CAMK4: variants seen among roughly 807,000 people sequenced by gnomAD.
CAMK4 encodes the protein calcium/calmodulin dependent protein kinase IV, also known as calcium/calmodulin-dependent protein kinase type IV.
In CAMK4, 22 loss-of-function variants were observed where a neutral mutation model predicts 44.9. That is an observed-to-expected ratio of 0.49 (90% CI 0.35 to 0.70). The LOEUF (loss-of-function observed/expected upper bound fraction) is 0.70, where lower values mean the gene tolerates loss of function less well. Among genes scored for constraint, CAMK4 ranks in the 30% least tolerant of loss-of-function variants. CAMK4 has a pLI of 0.01. For missense variants in CAMK4, 498 were observed against 586.8 expected (o/e 0.85, Z 1.56); for synonymous variants, 218 against 215.4 (o/e 1.01, Z -0.11).
chr5:111,326,510 A>T (rs1748893793), intron 1 of CAMK4, among the ~76,000 whole-genome samples: 1 of 151,916 alleles, frequency 6.6e-6, no homozygotes, highest in Admixed American at 6.6e-5. Flanking sequence ...GAATTCTACA[A>T]AAGCCTTAAA....
rs572582055 is a variant in CAMK4, at chr5:111,312,509, A to C, written c.162-31515A>C. Among the ~76,000 whole-genome samples the C allele has an allele frequency of 3.3e-5, 5 of 152,242 alleles. No homozygotes were observed. In the South Asian group the frequency reaches 1.0e-3, roughly 32 times the overall value. On this transcript the variant is annotated intron_variant, in intron 1 of 10. Transcript: ENST00000282356. Reference sequence around the variant, plus strand: ...TAGGTGTCAGTTATTATTGTATTCCAAGAGACCTGAATTTGTTCATGTTTT... The same window carrying C: ...TAGGTGTCAGTTATTATTGTATTCCCAGAGACCTGAATTTGTTCATGTTTT...
intron 1 of CAMK4, among the ~76,000 whole-genome samples, chr5:111,246,966 G>A (rs1180418845): frequency 6.6e-6 from 1 of 152,150 alleles, no homozygotes; most frequent in Non-Finnish European, 1.5e-5. Context: ...TAGTTATGAT[G>A]TGCTGCAGAA....
At chr5:111,320,796 G>A (rs538467893) in intron 1 of CAMK4, among the ~76,000 whole-genome samples, 106 of 152,304 alleles carry the variant, frequency 7.0e-4, no homozygotes, top group African/African-American at 2.2e-3. Flanking sequence ...ATGAGCCACT[G>A]TACCCAGCTA....
intron 1 of CAMK4, among the ~76,000 whole-genome samples, chr5:111,300,838 A>G (rs568899867): frequency 1.3e-5 from 2 of 152,256 alleles, no homozygotes; most frequent in Non-Finnish European, 2.9e-5. Flanking sequence ...TTGAAACTGC[A>G]TATTTAAATT....
chr5:111,471,329 C>G (rs1340739193), intron 7 of CAMK4, among the ~76,000 whole-genome samples: 1 of 152,186 alleles, frequency 6.6e-6, no homozygotes, highest in Non-Finnish European at 1.5e-5. Context: ...AGGCCATGAG[C>G]AAGATTTATT....
intron 5 of CAMK4, among the ~76,000 whole-genome samples, chr5:111,408,669 A>G (rs988855408): frequency 2.0e-5 from 3 of 152,172 alleles, no homozygotes; most frequent in Admixed American, 6.5e-5. Context: ...TCAGAAGTCC[A>G]CAGTCCAAAG....
chr5:111,265,010 C>T (rs746481428), intron 1 of CAMK4, among the ~76,000 whole-genome samples: 11 of 151,950 alleles, frequency 7.2e-5, no homozygotes, highest in Admixed American at 2.0e-4. Flanking sequence ...CCCCTTCCTC[C>T]GAGACACCCT....
rs1560686 is a variant in CAMK4 at position 111,437,286 on chromosome 5, A to T, written c.460-9400A>T. Among the ~76,000 whole-genome samples, 659 of 152,374 alleles carry T rather than the reference A, an allele frequency of 4.3e-3. 3 individuals are homozygous for T. Among genetic ancestry groups the T allele is most frequent in the South Asian group, 0.018 (86 of 4,832 alleles). ...ATTTTAACTTCTATTACAAATGAAT[A>T]ACAACAAATGAATAAAAGGTCTAGA... On this transcript the variant is annotated intron_variant, in intron 5 of 10. Transcript: ENST00000282356.
At chr5:111,404,002 C>G (rs1752326572) in intron 5 of CAMK4, among the ~76,000 whole-genome samples, 1 of 152,088 alleles carries the variant, frequency 6.6e-6, no homozygotes, top group Admixed American at 6.6e-5. Context: ...AGGTTACAGG[C>G]TGTAAGGTGA....
intron 1 of CAMK4, among the ~76,000 whole-genome samples, chr5:111,287,916 C>T (rs962658942): frequency 4.6e-5 from 7 of 152,210 alleles, no homozygotes; most frequent in Non-Finnish European, 4.4e-5. Context: ...GCACTCCAGA[C>T]GCCTCTGGCA....
At position 111,385,918 on chromosome 5, in the gene CAMK4, G is replaced by T. The variant is rs116805460; in HGVS notation, c.387-8792G>T. 7.6e-3 allele frequency among the ~76,000 whole-genome samples: 1,152 copies of T among 152,168 alleles called. 17 individuals are homozygous for T. The highest frequency in any genetic ancestry group is 0.027 in the African/African-American group (1,106 of 41,502). ...GAGTCAGGCCTTTTATCTATAGTAT[G>T]AGAGAAGTAGACTGGGAATCTTTTA... On this transcript the variant is annotated intron_variant, in intron 4 of 10. Transcript: ENST00000282356.
chr5:111,479,504 A>T (rs951721591), intron 9 of CAMK4, among the ~76,000 whole-genome samples: 1 of 152,172 alleles, frequency 6.6e-6, no homozygotes, highest in Non-Finnish European at 1.5e-5. Context: ...TGACTTTTGA[A>T]TCATAGAAGG....
At chr5:111,278,685 G>C (rs886631080) in intron 1 of CAMK4, among the ~76,000 whole-genome samples, 3 of 152,168 alleles carry the variant, frequency 2.0e-5, no homozygotes, top group Admixed American at 2.0e-4. Context: ...TTTGGCAATT[G>C]AGTCTGTTAC....
At chr5:111,308,948 C>G (rs1748079721) in intron 1 of CAMK4, among the ~76,000 whole-genome samples, 1 of 152,098 alleles carries the variant, frequency 6.6e-6, no homozygotes. Context: ...ATTTGTTTAA[C>G]TTCATTGACT....
At chr5:111,295,011 A>G (rs1377338791) in intron 1 of CAMK4, among the ~76,000 whole-genome samples, 2 of 152,214 alleles carry the variant, frequency 1.3e-5, no homozygotes, top group Non-Finnish European at 1.5e-5. Context: ...TCGAGAGGCA[A>G]ATTTTATTTT....
chr5:111,456,455 C>G (rs1754420197), intron 7 of CAMK4, among the ~76,000 whole-genome samples: 1 of 151,850 alleles, frequency 6.6e-6, no homozygotes, highest in Non-Finnish European at 1.5e-5. Flanking sequence ...AGCGCCACTG[C>G]ACTCCAGCCT....
chr5:111,426,635 C>T (rs894146508), intron 5 of CAMK4, among the ~76,000 whole-genome samples: 29 of 152,146 alleles, frequency 1.9e-4, no homozygotes, highest in Non-Finnish European at 3.2e-4. Context: ...TCACTAACGC[C>T]ACCCCTCCCC....
At chr5:111,393,328 T>C (rs935045751) in intron 4 of CAMK4, among the ~76,000 whole-genome samples, 7 of 152,194 alleles carry the variant, frequency 4.6e-5, no homozygotes, top group African/African-American at 1.7e-4. Context: ...ACCCTAATGC[T>C]ATCCATTAAT....
intron 2 of CAMK4, among the ~76,000 whole-genome samples, chr5:111,361,358 C>G (rs993396734): frequency 6.6e-6 from 1 of 151,714 alleles, no homozygotes; most frequent in African/African-American, 2.4e-5. Flanking sequence ...AATATTGTGC[C>G]CCTTTAATCA....
Sources: gnomAD v4.1 joint callset for allele counts (sites outside exome capture counted in the v4.1 genomes callset) on GRCh38, gnomAD v4.1.1 for gene constraint, MANE v1.5 for transcripts, NCBI Gene and HGNC (gene_info 2026-07-23, HGNC 2026-07-21) for gene names.